C1QTNF5: variants seen among roughly 807,000 people sequenced by gnomAD.
C1QTNF5 encodes the protein C1q and TNF related 5.
C1QTNF5 carries 5 observed loss-of-function variants against 10.9 expected under a neutral mutation model. That is an observed-to-expected ratio of 0.46 (90% CI 0.24 to 0.97). The LOEUF is 0.97. Ranked by LOEUF, C1QTNF5 falls within the 50% of genes least tolerant of loss-of-function variation. C1QTNF5 has a pLI of 0.19. For synonymous variants in C1QTNF5, 161 were observed against 156.5 expected, an observed-to-expected ratio of 1.03 and a Z score of -0.22; for missense variants, 281 against 339.4, an observed-to-expected ratio of 0.83 and a Z score of 1.35.
chr11:119,339,872 G>A lies in C1QTNF5; in HGVS notation c.215-24C>T, dbSNP rs141429422. 5,280 of 1,452,790 alleles carry A rather than the reference G, an allele frequency of 3.6e-3. 17 individuals are homozygous for A. The highest frequency in any genetic ancestry group is 5.5e-3 in the Admixed American group (207 of 37,632). 90.0% of individuals were successfully genotyped at this position (1,452,790 alleles called of 1,614,324 possible). ...TCCTGCGGGGTAAGCGGGGCGGCAG[G>A]GTGAGAGTAGCGGCGGCTCAGCCCG... On this transcript the variant is annotated intron_variant, in intron 2 of 2. Coordinates refer to ENST00000528368, the MANE Select transcript of C1QTNF5 (RefSeq NM_001278431.2). The surrounding 1 kb of genome is among the most constrained non-coding windows in gnomAD (Gnocchi z 5.4).
At chr11:119,342,629 C>T (rs1950514004), upstream of C1QTNF5, 1 of 1,613,608 alleles carries the variant, frequency 6.2e-7, no homozygotes. Flanking sequence ...CTGCAGTTGT[C>T]ATCGCTGCCA....
chr11:119,343,100 A>G (rs1488101176), upstream of C1QTNF5: 9 of 1,458,106 alleles, frequency 6.2e-6, no homozygotes, highest in Non-Finnish European at 7.4e-6. Flanking sequence ...GGAGCCCTGG[A>G]TGATGCCAAA....
At chr11:119,341,497 C>T (rs1339668930), upstream of C1QTNF5, 1 of 1,514,458 alleles carries the variant, frequency 6.6e-7, no homozygotes, top group East Asian at 2.3e-5. Context: ...CGTGCCAGCC[C>T]TGACCGGCAA....
chr11:119,342,061 C>T (rs943332990), upstream of C1QTNF5: 37 of 1,588,006 alleles, frequency 2.3e-5, no homozygotes, highest in African/African-American at 1.2e-4. Flanking sequence ...CCGAATCGCT[C>T]GGTCCTGTGT....
rs569214886 is a variant in C1QTNF5 at position 119,340,079 on chromosome 11, G to A, written c.214+105C>T. 4.4e-6 allele frequency: 6 copies of A among 1,364,284 alleles called. No individual in the cohort carries two copies. In the South Asian group the frequency reaches 4.7e-5, roughly 11 times the overall value. 84.5% of individuals were successfully genotyped at this position (1,364,284 alleles called of 1,614,324 possible). ...CGCTCAGGGCTGCAAAGCGCGGGGAGTGGCGCCCCCTGGCGGGAGACCCGA... is the reference window on the plus strand; with the variant it reads ...CGCTCAGGGCTGCAAAGCGCGGGGAATGGCGCCCCCTGGCGGGAGACCCGA... On this transcript the variant is annotated intron_variant, in intron 2 of 2. Transcript: ENST00000528368.
upstream of C1QTNF5, among the ~76,000 whole-genome samples, chr11:119,343,533 G>A (rs1333286816): frequency 1.3e-5 from 2 of 152,044 alleles, no homozygotes; most frequent in African/African-American, 4.8e-5. Context: ...AGAAGAAAAA[G>A]AAAAATCAAT....
At chr11:119,345,331 G>A (rs951872466), upstream of C1QTNF5, 33 of 1,359,670 alleles carry the variant, frequency 2.4e-5, no homozygotes, top group African/African-American at 4.4e-4. Context: ...TTCTTCCTCG[G>A]TTAGCCCTTC....
Position 119,340,492 on chromosome 11 carries a change from C to T in C1QTNF5, c.-43-52G>A, listed in dbSNP as rs984794365. ...GGACCCAGAATCCTGGGACCTGCCT[C>T]TCTCCCCACCCCGGCGCGGCCCAGT... On this transcript the variant is annotated intron_variant, in intron 1 of 2. Coordinates refer to ENST00000528368, the MANE Select transcript of C1QTNF5 (RefSeq NM_001278431.2). The T allele has an allele frequency of 6.0e-6, 8 of 1,336,604 alleles. No individual in the cohort carries two copies. The Admixed American group carries it at 8.0e-5, about 13-fold the overall frequency. 82.8% of individuals were successfully genotyped at this position (1,336,604 alleles called of 1,614,324 possible). A position where few individuals can be genotyped will look rare whatever the true frequency, so the allele number is the denominator to read the frequency against.
chr11:119,345,359 T>A (rs1192063267), upstream of C1QTNF5: 1 of 1,542,738 alleles, frequency 6.5e-7, no homozygotes, highest in East Asian at 2.2e-5. Flanking sequence ...CACTCCCTGA[T>A]TCTGCTCTTT....
chr11:119,344,757 C>T (rs778928074), upstream of C1QTNF5: 2 of 1,613,952 alleles, frequency 1.2e-6, no homozygotes, highest in Non-Finnish European at 1.7e-6. Context: ...GGCACAGCTC[C>T]CTGGATGTGG....
At chr11:119,346,691 A>T in the C1QTNF5 span, 4 of 675,696 alleles carry the variant, frequency 5.9e-6, no homozygotes, top group Admixed American at 8.6e-5. Context: ...CCTATGGGCT[A>T]CTCTGTCTCT....
chr11:119,341,320 A>G, upstream of C1QTNF5: 1 of 579,784 alleles, frequency 1.7e-6, no homozygotes, highest in Non-Finnish European at 3.1e-6. Flanking sequence ...GTCCGGTGGC[A>G]CAGTGTGGGG....
chr11:119,342,843 G>GC (rs764467122), upstream of C1QTNF5: 26 of 1,612,970 alleles, frequency 1.6e-5, no homozygotes, highest in South Asian at 8.8e-5. Context: ...TGCCTCTACT[G>GC]CCCCCACCCA....
intron 1 of C1QTNF5, 126 bp from the exon 2 acceptor site, chr11:119,340,566 C>A: frequency 1.4e-6 from 1 of 692,850 alleles, no homozygotes; most frequent in South Asian, 1.9e-5. Context: ...CTCGCAGGGC[C>A]GAGCATCCGG....
upstream of C1QTNF5, chr11:119,344,360 G>T: frequency 6.2e-7 from 1 of 1,614,004 alleles, no homozygotes; most frequent in Non-Finnish European, 8.5e-7. Flanking sequence ...TAGAGAAAGT[G>T]CCCTGGAGGC....
chr11:119,342,491 C>T, upstream of C1QTNF5: 3 of 1,469,470 alleles, frequency 2.0e-6, no homozygotes, highest in Non-Finnish European at 2.8e-6. Context: ...CCAGCTGGCC[C>T]CGCCCCCTCA....
chr11:119,344,814 CTGGGAGT>C, upstream of C1QTNF5: 1 of 1,613,692 alleles, frequency 6.2e-7, no homozygotes, highest in South Asian at 1.1e-5. Flanking sequence ...TTTGACAGGA[CTGGGAGT>C]GGGTGGAGGG....
upstream of C1QTNF5, chr11:119,345,530 G>A: frequency 6.2e-7 from 1 of 1,614,062 alleles, no homozygotes. Flanking sequence ...CATGGTCTGT[G>A]GCCACCTGGA....
In C1QTNF5 at chr11:119,339,767, G is replaced by A. The variant is rs966084500; in HGVS notation, c.296C>T (p.Ser99Leu). 10 of 1,578,044 alleles carry A rather than the reference G, an allele frequency of 6.3e-6. No individual in the cohort carries two copies. In the African/African-American group the frequency reaches 9.4e-5, roughly 15 times the overall value. The change falls in exon 3 of 3, where the codon TCG becomes TTG. Residue 99 changes from serine to leucine, a missense_variant. Physicochemically the swap from Ser to Leu is moderately radical, Grantham distance 145 (BLOSUM62 -2). Coordinates refer to ENST00000528368, the MANE Select transcript of C1QTNF5 (RefSeq NM_001278431.2). The surrounding 1 kb of genome is among the most constrained non-coding windows in gnomAD (Gnocchi z 5.4). The part of the protein sequence containing the change: ...AGPTGPAGEC[S>L]VPPRSAFSAK... ...GCTGAAGGCGGATCGCGGAGGCACCGAGCACTCCCCGGCAGGCCCGGTGGG... is the reference window on the plus strand; with the variant it reads ...GCTGAAGGCGGATCGCGGAGGCACCAAGCACTCCCCGGCAGGCCCGGTGGG...
Sources: gnomAD v4.1 joint callset for allele counts (sites outside exome capture counted in the v4.1 genomes callset) on GRCh38, gnomAD v4.1.1 for gene constraint, Gnocchi (gnomAD v3.1) non-coding constraint, MANE v1.5 for transcripts, NCBI Gene and HGNC (gene_info 2026-07-23, HGNC 2026-07-21) for gene names.